HECW2: variants seen among roughly 807,000 people sequenced by gnomAD.
HECW2 encodes the protein E3 ubiquitin-protein ligase HECW2.
Under a neutral mutation model 175.2 loss-of-function variants are expected in HECW2, and 61 were observed. The ratio of observed to expected loss-of-function variants is 0.35; its 90% CI spans 0.28 to 0.43. The LOEUF is 0.43. HECW2 is among the 20% of genes least tolerant of loss of function. The pLI is 1.00. For missense variants in HECW2, 1,524 were observed against 2,000.5 expected (o/e 0.76, Z 4.54); for synonymous variants, 671 against 731.0 (o/e 0.92, Z 1.32).
intron 1 of HECW2, among the ~76,000 whole-genome samples, chr2:196,485,693 G>A (rs766228948): frequency 2.6e-4 from 40 of 152,164 alleles, no homozygotes; most frequent in Admixed American, 1.8e-3. Context: ...CGAGGAAGGC[G>A]TGTTTAGGAA....
intron 2 of HECW2, among the ~76,000 whole-genome samples, chr2:196,430,095 G>A (rs531035300): frequency 4.1e-4 from 63 of 152,258 alleles, no homozygotes; most frequent in African/African-American, 1.4e-3. Context: ...TAAGCAGAAT[G>A]TACTAATATA....
chr2:196,446,707 T>C (rs1696195508), intron 1 of HECW2, among the ~76,000 whole-genome samples: 1 of 152,124 alleles, frequency 6.6e-6, no homozygotes, highest in South Asian at 2.1e-4. Context: ...CAACTGATGC[T>C]TACCATTACT....
At chr2:196,247,455 G>GTTATTCCTCTGT (rs1291242481) in intron 19 of HECW2, among the ~76,000 whole-genome samples, 6 of 152,120 alleles carry the variant, frequency 3.9e-5, no homozygotes, top group Non-Finnish European at 7.3e-5. Context: ...ATAATACTTT[G>GTTATTCCTCTGT]TAGACAGAGG....
intron 1 of HECW2, among the ~76,000 whole-genome samples, chr2:196,546,403 G>T (rs926572113): frequency 2.6e-5 from 4 of 152,166 alleles, no homozygotes; most frequent in Admixed American, 6.5e-5. Flanking sequence ...TTAGTCGAAT[G>T]GATTTAATTA....
intron 18 of HECW2, chr2:196,257,612 A>G: frequency 1.8e-6 from 1 of 564,576 alleles, no homozygotes; most frequent in Non-Finnish European, 3.1e-6. Flanking sequence ...AGCAGGGTGA[A>G]AACAAAATTA....
intron 9 of HECW2, among the ~76,000 whole-genome samples, chr2:196,317,577 T>A (rs1346569706): frequency 1.3e-5 from 2 of 151,950 alleles, no homozygotes; most frequent in Non-Finnish European, 2.9e-5. Context: ...TCTGCATGTA[T>A]CCCCCGCTCC....
chr2:196,248,576 T>A (rs1575291211), intron 19 of HECW2, among the ~76,000 whole-genome samples: 2 of 140,892 alleles, frequency 1.4e-5, no homozygotes, highest in African/African-American at 2.8e-5. Flanking sequence ...GAGGGACAGA[T>A]GAGAGAGAGA....
chr2:196,336,928 C>CACACAG (rs140650722), intron 3 of HECW2, among the ~76,000 whole-genome samples: 1 of 151,400 alleles, frequency 6.6e-6, no homozygotes, highest in Non-Finnish European at 1.5e-5. Context: ...AAACCACACA[C>CACACAG]GCTGGTCACT....
intron 1 of HECW2, among the ~76,000 whole-genome samples, chr2:196,507,176 T>TACACACACTAATACATGTATATTAC (rs6147110): frequency 1.3e-5 from 2 of 151,368 alleles, no homozygotes; most frequent in South Asian, 2.1e-4. Context: ...ATGTGTATAT[T>TACACACACTAATACATGTATATTAC]ACACACACTA....
intron 1 of HECW2, among the ~76,000 whole-genome samples, chr2:196,549,264 C>A (rs1421444887): frequency 2.6e-5 from 4 of 152,328 alleles, no homozygotes; most frequent in Admixed American, 2.6e-4. Context: ...AGTCAGCAGT[C>A]TGGGACCCCT....
chr2:196,347,167 C>T (rs935860102), intron 2 of HECW2, among the ~76,000 whole-genome samples: 1 of 150,230 alleles, frequency 6.7e-6, no homozygotes, highest in Admixed American at 6.7e-5. Flanking sequence ...ATTCTCCTGC[C>T]TCAGCCTCCC....
At chr2:196,578,934 A>G (rs188792556) in intron 1 of HECW2, among the ~76,000 whole-genome samples, 1 of 151,380 alleles carries the variant, frequency 6.6e-6, no homozygotes, top group East Asian at 1.9e-4. Context: ...AGCTATCTAC[A>G]CAGAGAAGAT....
intron 1 of HECW2, among the ~76,000 whole-genome samples, chr2:196,575,941 C>T (rs1000109448): frequency 6.6e-6 from 1 of 150,614 alleles, no homozygotes; most frequent in Non-Finnish European, 1.5e-5. Context: ...GGATCCACCC[C>T]CTCATAAATG....
At position 196,319,220 on chromosome 2, in the gene HECW2, T is replaced by G. The variant is rs748666161; in HGVS notation, c.1670A>C (p.Gln557Pro). The change falls in exon 9 of 29, where the codon CAA becomes CCA. Residue 557 changes from glutamine to proline, a missense_variant. Gln to Pro is a moderately conservative substitution (Grantham distance 76). Transcript: ENST00000644978. ...AGCACTGCCCTGGTCAGCACTGGGT[T>G]GAGGCTCTGGGCCGCCTTCACCTTC... Reference protein sequence around the residue: ...PEEGEGGPEPQPSADQGSAEL... With the variant: ...PEEGEGGPEPPPSADQGSAEL... The G allele has an allele frequency of 6.3e-7, 1 of 1,597,480 alleles. No homozygotes were observed. The highest frequency in any genetic ancestry group is 1.1e-5 in the South Asian group (1 of 87,242).
chr2:196,235,823 A>AT (rs949602642), intron 21 of HECW2, among the ~76,000 whole-genome samples: 31 of 150,770 alleles, frequency 2.1e-4, no homozygotes, highest in African/African-American at 5.1e-4. Flanking sequence ...TGCCCGGCTA[A>AT]TTTTTTTTGT....
chr2:196,218,313 C>G (rs547218501), intron 26 of HECW2: 1 of 152,226 alleles, frequency 6.6e-6, no homozygotes, highest in African/African-American at 2.4e-5. Flanking sequence ...GGCAGCCACA[C>G]AGCCGCTTCT....
At chr2:196,428,328 T>C (rs1695608064) in intron 2 of HECW2, among the ~76,000 whole-genome samples, 1 of 152,182 alleles carries the variant, frequency 6.6e-6, no homozygotes. Context: ...CTGACATACA[T>C]GCTATTGTTA....
intron 1 of HECW2, among the ~76,000 whole-genome samples, chr2:196,504,312 A>G (rs546661279): frequency 6.6e-6 from 1 of 151,470 alleles, no homozygotes; most frequent in Non-Finnish European, 1.5e-5. Flanking sequence ...AAAAAAAAAA[A>G]AAGCTGGTGG....
chr2:196,479,988 T>C lies in HECW2; in HGVS notation c.-35-46530A>G, dbSNP rs575027017. 2.6e-5 allele frequency among the ~76,000 whole-genome samples: 4 copies of C among 152,308 alleles called. No homozygotes were observed. The South Asian group carries it at 8.3e-4, about 32-fold the overall frequency. ...GCCTAGTAAATTAAATGCTTTGACCTAGAATTTGAGAATTTTTATAACATG... is the reference window on the plus strand; with the variant it reads ...GCCTAGTAAATTAAATGCTTTGACCCAGAATTTGAGAATTTTTATAACATG... On this transcript the variant is annotated intron_variant, in intron 1 of 28. Transcript: ENST00000644978.
Sources: allele counts gnomAD v4.1 joint callset (sites outside exome capture counted in the v4.1 genomes callset), GRCh38; gene constraint gnomAD v4.1.1; transcripts MANE v1.5; gene names NCBI Gene and HGNC (gene_info 2026-07-23, HGNC 2026-07-21).